The following NCAPD3 variants were observed in gnomAD, a reference collection of about 807,000 sequenced individuals.
The protein encoded by NCAPD3 is condensin-2 complex subunit D3.
A neutral mutation model predicts 182.9 loss-of-function variants in NCAPD3; 105 were observed. The observed-to-expected ratio is 0.57, with a 90% CI of 0.49 to 0.68. The LOEUF is 0.68. Among genes scored for constraint, NCAPD3 ranks in the 30% least tolerant of loss-of-function variants. The pLI, the probability that NCAPD3 is intolerant of heterozygous loss-of-function variation, is 0.00. For missense variants in NCAPD3, 1,944 were observed against 1,837.0 expected, an observed-to-expected ratio of 1.06 and a Z score of -1.07; for synonymous variants, 815 against 679.9, an observed-to-expected ratio of 1.20 and a Z score of -3.09.
Position 134,161,868 on chromosome 11 carries a change from TTC to T in NCAPD3, c.3595_3596del (p.Glu1199LysfsTer17). 1 of 1,557,222 alleles carries T rather than the reference TTC, an allele frequency of 6.4e-7. No individual in the cohort carries two copies. The highest frequency in any genetic ancestry group is 8.8e-7 in the Non-Finnish European group (1 of 1,138,268). On this transcript the variant is annotated frameshift_variant, in exon 28 of 35. Coordinates refer to ENST00000534548, the MANE Select transcript of NCAPD3 (RefSeq NM_015261.3). LOFTEE classifies it high-confidence loss of function. ...GGGAGATGATAATTGGAATAATATT[TTC>T]TATGAAATTCCTCTTCTGAACCTGG... ...ISQVQKRNFIENIIPIIISLK... is the reference protein window; with the variant it reads ...ISQVQKRNFIXNIIPIIISLK...
rs1223258393 is a variant in NCAPD3, at chr11:134,151,007, C to T, written c.*1937G>A. 2.0e-5 allele frequency: 3 copies of T among 152,236 alleles called. No homozygotes were observed. The highest frequency in any genetic ancestry group is 4.4e-5 in the Non-Finnish European group (3 of 68,048). 9.4% of individuals were successfully genotyped at this position (152,236 alleles called of 1,614,324 possible). A position where few individuals can be genotyped will look rare whatever the true frequency, so the allele number is the denominator to read the frequency against. On this transcript the variant is annotated 3_prime_UTR_variant, in exon 35 of 35. Transcript: ENST00000534548. ...GACATTAGCAACATCACTCAGAAGC[C>T]TGTGTTCTTCAAGAGCAGGTGTTCT...
rs774381145 is a variant in NCAPD3, at chr11:134,178,730, G to C, written c.2686C>G (p.Gln896Glu). Residue 896 changes from glutamine (Q) to glutamate (E), a missense_variant, in exon 22 of 35, where the codon CAA (glutamine) becomes GAA (glutamate). Coordinates refer to ENST00000534548, the MANE Select transcript of NCAPD3 (RefSeq NM_015261.3). ...SADADHSPSS[Q>E]GSSEAPASQP... ...GACGCTGGGGCCTCACTGCTGCCTT[G>C]AGATGATGGTGCTGCAAAGAAGGGA... is the stretch of plus-strand genomic sequence containing the variant. The C allele has an allele frequency of 6.2e-7, 1 of 1,608,602 alleles. No individual in the cohort carries two copies. The highest frequency in any genetic ancestry group is 8.5e-7 in the Non-Finnish European group (1 of 1,176,248).
intron 4 of NCAPD3, chr11:134,209,696 C>A: frequency 2.2e-6 from 1 of 462,202 alleles, no homozygotes; most frequent in Non-Finnish European, 3.8e-6. Flanking sequence ...AGTTTTGTGT[C>A]AATGAGGAAT....
intron 13 of NCAPD3, among the ~76,000 whole-genome samples, chr11:134,195,293 C>A (rs577048563): frequency 1.3e-5 from 2 of 152,048 alleles, no homozygotes; most frequent in South Asian, 4.2e-4. Context: ...GAGACAGGAC[C>A]TTGCTGTGTT....
intron 18 of NCAPD3, 61 bp downstream of exon 18, chr11:134,184,842 C>T: frequency 2.1e-6 from 3 of 1,401,070 alleles, no homozygotes; most frequent in Non-Finnish European, 3.0e-6. Context: ...CACACACACA[C>T]ACACACACCT....
intron 24 of NCAPD3, among the ~76,000 whole-genome samples, chr11:134,170,758 T>C (rs1018661581): frequency 6.6e-6 from 1 of 152,184 alleles, no homozygotes; most frequent in Admixed American, 6.5e-5. Flanking sequence ...ATAAATTCCA[T>C]AGCAACATAA....
Position 134,203,126 on chromosome 11 carries a change from T to A in NCAPD3, c.1525+16A>T, listed in dbSNP as rs372965868. 12 of 1,537,226 alleles carry A rather than the reference T, an allele frequency of 7.8e-6. No homozygotes were observed. In the South Asian group the frequency reaches 1.4e-4, roughly 18 times the overall value. On this transcript the variant is annotated intron_variant, in intron 12 of 34. Transcript: ENST00000534548. ...AAGATAATCATTCAATATTTGAAAATGTATTGATCCATTACCTGATGAATT... is the reference window on the plus strand; with the variant it reads ...AAGATAATCATTCAATATTTGAAAAAGTATTGATCCATTACCTGATGAATT...
At chr11:134,185,166 G>A (rs1944377656) in intron 17 of NCAPD3, among the ~76,000 whole-genome samples, 166 bp from the exon 18 acceptor site, 1 of 152,172 alleles carries the variant, frequency 6.6e-6, no homozygotes, top group Non-Finnish European at 1.5e-5. Flanking sequence ...GGACAAAGGG[G>A]AAATGGGTGA....
intron 13 of NCAPD3, among the ~76,000 whole-genome samples, chr11:134,197,399 C>T (rs1247008436): frequency 6.6e-6 from 1 of 151,444 alleles, no homozygotes; most frequent in East Asian, 1.9e-4. Context: ...GCCTCAGCCT[C>T]CTAAGTAGCT....
chr11:134,224,212 C>T (rs1045266057), upstream of NCAPD3: 8 of 539,368 alleles, frequency 1.5e-5, no homozygotes, highest in African/African-American at 1.6e-4. Flanking sequence ...CAGCGTTTTT[C>T]CCGCCTCGTT....
intron 13 of NCAPD3, among the ~76,000 whole-genome samples, chr11:134,202,565 G>A (rs1944771357): frequency 6.6e-6 from 1 of 151,924 alleles, no homozygotes; most frequent in Non-Finnish European, 1.5e-5. Flanking sequence ...TATTTTTTAA[G>A]AGATGGGGTC....
At position 134,192,825 on chromosome 11, in the gene NCAPD3, C is replaced by G; in HGVS notation, c.1909G>C (p.Glu637Gln). Residue 637 changes from glutamate (E) to glutamine (Q), a missense_variant, in exon 16 of 35, where the codon GAG becomes CAG. Transcript: ENST00000534548. ...TGGTCCAGGAACTCCAGGGCCTTCT[C>G]CTGCACAGTGCTCTCGCAGTCCATC... ...VVMDCESTVQEKALEFLDQLL... is the reference protein window; with the variant it reads ...VVMDCESTVQQKALEFLDQLL... The G allele has an allele frequency of 6.8e-6, 11 of 1,614,156 alleles. No individual in the cohort carries two copies. Among genetic ancestry groups the G allele is most frequent in the Non-Finnish European group, 9.3e-6 (11 of 1,179,992 alleles).
intron 27 of NCAPD3, among the ~76,000 whole-genome samples, chr11:134,167,595 C>T (rs1591829539): frequency 8.8e-6 from 1 of 113,906 alleles, no homozygotes; most frequent in Non-Finnish European, 1.7e-5. Context: ...GGGGGAGGGG[C>T]ACACTCACTA....
rs375155382 is a variant in NCAPD3, at chr11:134,203,767, C to T, written c.1355G>A (p.Arg452His). 2 of 1,614,126 alleles carry T rather than the reference C, an allele frequency of 1.2e-6. No homozygotes were observed. The highest frequency in any genetic ancestry group is 1.7e-6 in the Non-Finnish European group (2 of 1,180,042). Residue 452 changes from arginine (R) to histidine (H), a missense_variant, in exon 11 of 35, where the codon CGT becomes CAT. Physicochemically the swap from Arg to His is conservative, Grantham distance 29. This residue lies in a region of NCAPD3 where 1,803 missense variants were observed against 1,674.6 expected (regional missense o/e 1.08). Transcript: ENST00000534548. ...KFLVQEIMFDRCLDKAPTVRS... is the reference protein window; with the variant it reads ...KFLVQEIMFDHCLDKAPTVRS... Reference sequence around the variant, plus strand: ...GACAGTAGGCGCCTTGTCTAAGCAACGATCAAACATAATTTCCTGCACCAG... The same window carrying T: ...GACAGTAGGCGCCTTGTCTAAGCAATGATCAAACATAATTTCCTGCACCAG...
At chr11:134,162,494 T>TAA (rs199545903) in intron 27 of NCAPD3, among the ~76,000 whole-genome samples, 21 of 151,122 alleles carry the variant, frequency 1.4e-4, no homozygotes, top group African/African-American at 5.1e-4. Context: ...CTCTTTAAAT[T>TAA]AAAAAAAAAG....
At position 134,163,764 on chromosome 11, in the gene NCAPD3, C is replaced by T. The variant is rs1438697376; in HGVS notation, c.3574-1873G>A. Among the ~76,000 whole-genome samples the T allele has an allele frequency of 1.4e-4, 18 of 130,718 alleles. No homozygotes were observed. In the East Asian group the frequency reaches 3.6e-3, roughly 26 times the overall value. The allele number at this position is 130,718 out of a possible 152,430, so 85.8% of individuals were successfully genotyped here. A position where few individuals can be genotyped will look rare whatever the true frequency, so the allele number is the denominator to read the frequency against. ...GCAGGGGCCTGTAGTCCCAGCTACT[C>T]GGGAGGCTGAGGCAGGAGAATGGCG... On this transcript the variant is annotated intron_variant, in intron 27 of 34. Transcript: ENST00000534548.
At chr11:134,200,400 TA>T (rs1423525163) in intron 13 of NCAPD3, among the ~76,000 whole-genome samples, 2 of 151,978 alleles carry the variant, frequency 1.3e-5, no homozygotes, top group African/African-American at 4.8e-5. Context: ...ATAACCCAAT[TA>T]AAAAATGGGC....
chr11:134,224,252 A>G, upstream of NCAPD3: 1 of 474,030 alleles, frequency 2.1e-6, no homozygotes, highest in Non-Finnish European at 3.8e-6. Context: ...TCTAAAGGGT[A>G]TCTGAGATAG....
chr11:134,166,868 A>G (rs76298628), intron 27 of NCAPD3, among the ~76,000 whole-genome samples: 15 of 44,512 alleles, frequency 3.4e-4, no homozygotes, highest in Non-Finnish European at 4.2e-4. Flanking sequence ...AGAGGAGCTT[A>G]GGGGAGGCGC....
Sources: allele counts gnomAD v4.1 joint callset (sites outside exome capture counted in the v4.1 genomes callset), GRCh38; gene constraint gnomAD v4.1.1; regional missense constraint gnomAD v4.1.1; transcripts MANE v1.5; gene names NCBI Gene and HGNC (gene_info 2026-07-23, HGNC 2026-07-21).